RARB: variants seen among roughly 807,000 people sequenced by gnomAD.
RARB encodes HBV-activated protein.
A neutral mutation model predicts 51.9 loss-of-function variants in RARB; 17 were observed. That is an observed-to-expected ratio of 0.33 (90% CI 0.22 to 0.49). The LOEUF is 0.49. RARB is among the 20% of genes least tolerant of loss of function. The probability of loss-of-function intolerance (pLI) is 0.99; values close to 1 mark genes in which losing one functional copy is unlikely to be tolerated. For missense variants in RARB, 369 were observed against 550.8 expected, an observed-to-expected ratio of 0.67 and a Z score of 3.30; for synonymous variants, 215 against 195.4, an observed-to-expected ratio of 1.10 and a Z score of -0.84.
intron 5 of RARB, among the ~76,000 whole-genome samples, chr3:25,182,159 G>C (rs1185612782): frequency 6.6e-6 from 1 of 152,176 alleles, no homozygotes; most frequent in Admixed American, 6.6e-5. Context: ...AGAAGCATTG[G>C]TTCCAAAGGG....
chr3:25,309,747 G>C (rs746535154), intron 5 of RARB, among the ~76,000 whole-genome samples: 2 of 151,680 alleles, frequency 1.3e-5, no homozygotes, highest in African/African-American at 4.8e-5. Context: ...CGCCAACCTC[G>C]GCCTCCCAAA....
At chr3:25,007,203 A>T (rs1277881058) in intron 2 of RARB, among the ~76,000 whole-genome samples, 1 of 152,196 alleles carries the variant, frequency 6.6e-6, no homozygotes, top group Non-Finnish European at 1.5e-5. Flanking sequence ...TCTGATTACT[A>T]TAAACAGGAA....
chr3:25,524,263 A>G (rs981605360), intron 3 of RARB, among the ~76,000 whole-genome samples: 3 of 152,218 alleles, frequency 2.0e-5, no homozygotes, highest in African/African-American at 7.2e-5. Context: ...CAACCAAATA[A>G]TAATGACCTA....
At chr3:25,308,114 A>G (rs1032395727) in intron 5 of RARB, among the ~76,000 whole-genome samples, 7 of 152,318 alleles carry the variant, frequency 4.6e-5, no homozygotes, top group South Asian at 2.1e-4. Context: ...GCAAGAGTAG[A>G]TACTATGGAA....
chr3:24,837,155 G>A (rs1160163105), intron 1 of RARB, among the ~76,000 whole-genome samples: 2 of 152,178 alleles, frequency 1.3e-5, no homozygotes, highest in Non-Finnish European at 2.9e-5. Context: ...ACTTGAGTTA[G>A]CCAAGTAATA....
At chr3:25,361,210 C>T (rs549034658) in intron 5 of RARB, among the ~76,000 whole-genome samples, 23 of 152,236 alleles carry the variant, frequency 1.5e-4, no homozygotes, top group African/African-American at 3.6e-4. Flanking sequence ...CTTGTCTTTA[C>T]GCTTTATTTC....
intron 5 of RARB, among the ~76,000 whole-genome samples, chr3:25,417,422 C>G (rs1182131170): frequency 6.6e-6 from 1 of 152,120 alleles, no homozygotes; most frequent in Non-Finnish European, 1.5e-5. Flanking sequence ...CGGGAGGGAC[C>G]TGGTGGGAGG....
intron 3 of RARB, among the ~76,000 whole-genome samples, chr3:25,090,391 A>G (rs575264939): frequency 6.6e-6 from 1 of 152,142 alleles, no homozygotes; most frequent in African/African-American, 2.4e-5. Context: ...GTTTTGCACA[A>G]ATATTTTAAT....
chr3:24,881,189 G>T (rs144854160), intron 2 of RARB, among the ~76,000 whole-genome samples: 1 of 152,304 alleles, frequency 6.6e-6, no homozygotes, highest in African/African-American at 2.4e-5. Context: ...CTTCTGCCAT[G>T]ATTACAAGTT....
intron 5 of RARB, among the ~76,000 whole-genome samples, chr3:25,366,856 A>G (rs1706136612): frequency 6.6e-6 from 1 of 152,170 alleles, no homozygotes; most frequent in South Asian, 2.1e-4. Context: ...ATTTTACCTC[A>G]TGAGGTAAAG....
chr3:24,898,893 G>A (rs896261865), intron 2 of RARB, among the ~76,000 whole-genome samples: 1 of 152,282 alleles, frequency 6.6e-6, no homozygotes, highest in East Asian at 1.9e-4. Context: ...GAAGGGTTGT[G>A]TTTCTACTCA....
At chr3:25,016,440 T>A (rs1473151325) in intron 2 of RARB, among the ~76,000 whole-genome samples, 2 of 152,162 alleles carry the variant, frequency 1.3e-5, no homozygotes, top group African/African-American at 4.8e-5. Context: ...CCCCCAAAAC[T>A]GAGACAACCA....
chr3:25,224,902 C>T (rs1460905940), intron 5 of RARB, among the ~76,000 whole-genome samples: 1 of 152,066 alleles, frequency 6.6e-6, no homozygotes, highest in Non-Finnish European at 1.5e-5. Flanking sequence ...ACAGTGCCAG[C>T]CACCTCTTAT....
rs1370656623 is a variant in RARB at position 25,078,004 on chromosome 3, A to G, written c.-328+17828A>G. On this transcript the variant is annotated intron_variant, in intron 3 of 11. Transcript: ENST00000383772. Reference sequence around the variant, plus strand: ...TTCTTCTTTTCTGAAATTGCTATATAAATCTACCTATTTTTGTTTGACTTC... The same window carrying G: ...TTCTTCTTTTCTGAAATTGCTATATGAATCTACCTATTTTTGTTTGACTTC... Among the ~76,000 whole-genome samples the G allele has an allele frequency of 2.0e-5, 3 of 152,136 alleles. No individual in the cohort carries two copies. The South Asian group carries it at 6.2e-4, about 31-fold the overall frequency.
chr3:25,351,225 C>A (rs914033308), intron 5 of RARB, among the ~76,000 whole-genome samples: 1 of 151,994 alleles, frequency 6.6e-6, no homozygotes, highest in African/African-American at 2.4e-5. Context: ...TGGAGAGGGG[C>A]GGGCAGGCTT....
chr3:25,515,863 G>C (rs971388590), intron 3 of RARB, among the ~76,000 whole-genome samples: 1 of 152,054 alleles, frequency 6.6e-6, no homozygotes, highest in Non-Finnish European at 1.5e-5. Flanking sequence ...TTTATACCTC[G>C]GTGAAAAGGA....
intron 2 of RARB, among the ~76,000 whole-genome samples, chr3:24,993,528 A>G (rs1013541231): frequency 2.6e-5 from 4 of 152,174 alleles, no homozygotes; most frequent in African/African-American, 7.2e-5. Flanking sequence ...TGTTGGGAAC[A>G]TTCGATATTC....
intron 2 of RARB, among the ~76,000 whole-genome samples, chr3:24,863,345 T>C (rs1409394001): frequency 4.6e-5 from 7 of 152,186 alleles, no homozygotes; most frequent in African/African-American, 7.2e-5. Flanking sequence ...GTGATGACAA[T>C]TCCCTGTCTA....
intron 5 of RARB, among the ~76,000 whole-genome samples, chr3:25,413,529 A>G (rs1707622692): frequency 6.6e-6 from 1 of 152,226 alleles, no homozygotes; most frequent in African/African-American, 2.4e-5. Context: ...GTTTGAAGCT[A>G]TATTAGGTTT....
Sources: gnomAD v4.1 joint callset for allele counts (sites outside exome capture counted in the v4.1 genomes callset) on GRCh38, gnomAD v4.1.1 for gene constraint, MANE v1.5 for transcripts, NCBI Gene and HGNC (gene_info 2026-07-23, HGNC 2026-07-21) for gene names.